GNPTAB: variants seen among roughly 807,000 people sequenced by gnomAD.
GNPTAB encodes the protein N-acetylglucosamine-1-phosphotransferase subunits alpha/beta.
GNPTAB carries 92 observed loss-of-function variants against 136.6 expected under a neutral mutation model. The ratio of observed to expected loss-of-function variants is 0.67; its 90% confidence interval spans 0.57 to 0.80. GNPTAB has a LOEUF of 0.80. Among genes scored for constraint, GNPTAB ranks in the 30% least tolerant of loss-of-function variants. The pLI is 0.00. For synonymous variants in GNPTAB, 512 were observed against 535.1 expected (o/e 0.96, Z 0.60); for missense variants, 1,343 against 1,501.8 (o/e 0.89, Z 1.75).
At chr12:101,785,112 G>C (rs1423414396) in intron 5 of GNPTAB, among the ~76,000 whole-genome samples, 1 of 152,234 alleles carries the variant, frequency 6.6e-6, no homozygotes, top group Non-Finnish European at 1.5e-5. Flanking sequence ...TCTGAGATCA[G>C]AGTGCCAGCA....
At chr12:101,817,264 AC>A (rs1245003334) in intron 1 of GNPTAB, among the ~76,000 whole-genome samples, 23 of 119,310 alleles carry the variant, frequency 1.9e-4, no homozygotes, top group African/African-American at 7.3e-4. Flanking sequence ...TTATCATTCC[AC>A]TTTTTTTTTT....
At chr12:101,823,336 G>A (rs906920316) in intron 1 of GNPTAB, among the ~76,000 whole-genome samples, 3 of 152,162 alleles carry the variant, frequency 2.0e-5, no homozygotes, top group Admixed American at 6.5e-5. Context: ...AAGGCCAGGC[G>A]CAGTGGCTTA....
chr12:101,758,443 G>C (rs1952936364), intron 16 of GNPTAB, among the ~76,000 whole-genome samples: 1 of 152,196 alleles, frequency 6.6e-6, no homozygotes, highest in Non-Finnish European at 1.5e-5. Flanking sequence ...CCAAAGTGTT[G>C]AGACTATAGG....
At chr12:101,781,374 G>A (rs772408677) in intron 5 of GNPTAB, among the ~76,000 whole-genome samples, 5 of 152,036 alleles carry the variant, frequency 3.3e-5, no homozygotes. Context: ...AGTCTCAAGT[G>A]TACTATAGTT....
At chr12:101,799,296 G>C (rs947754217) in intron 1 of GNPTAB, among the ~76,000 whole-genome samples, 2 of 152,188 alleles carry the variant, frequency 1.3e-5, no homozygotes, top group African/African-American at 4.8e-5. Context: ...AGACTGGTTT[G>C]ATCATTTTAA....
At chr12:101,826,132 AC>A (rs2137192329) in intron 1 of GNPTAB, among the ~76,000 whole-genome samples, 1 of 152,350 alleles carries the variant, frequency 6.6e-6, no homozygotes, top group East Asian at 1.9e-4. Flanking sequence ...CTTGAGCTAG[AC>A]CCAGTTTTCA....
chr12:101,769,628 C>T (rs943702628), intron 10 of GNPTAB, among the ~76,000 whole-genome samples: 12 of 152,038 alleles, frequency 7.9e-5, no homozygotes, highest in African/African-American at 2.7e-4. Context: ...CCGGTTCTCA[C>T]TCTGTCACCC....
chr12:101,789,747 G>T (rs921810274), intron 3 of GNPTAB, among the ~76,000 whole-genome samples, 191 bp downstream of exon 3: 1 of 152,144 alleles, frequency 6.6e-6, no homozygotes, highest in Non-Finnish European at 1.5e-5. Context: ...ACCTCCCAAA[G>T]TTCTGGGATT....
rs778029826 is a variant in GNPTAB, at chr12:101,764,823, T to C, written c.2094A>G (p.Val698=). ...CGTCTTTTGGAAGGAGTGAAATATT[T>C]ACCAGGGGAATTTTCACCTCTTCCT... is the stretch of plus-strand genomic sequence containing the variant. The part of the protein sequence containing the change: ...RAQEEVKIPL[V]NISLLPKDAQ... The change falls in exon 13 of 21, where the codon GTA becomes GTG. Residue 698 remains valine (V), a synonymous_variant. Transcript: ENST00000299314. The C allele has an allele frequency of 8.7e-6, 14 of 1,614,060 alleles. No individual in the cohort carries two copies. The highest frequency in any genetic ancestry group is 1.6e-4 in the Middle Eastern group (1 of 6,084).
At chr12:101,747,458 C>T (rs937888432) in intron 20 of GNPTAB, among the ~76,000 whole-genome samples, 12 of 152,166 alleles carry the variant, frequency 7.9e-5, no homozygotes, top group Non-Finnish European at 1.6e-4. Context: ...TATGTGCCCA[C>T]AAAGAGACCC....
chr12:101,806,713 C>A (rs1286920257), intron 1 of GNPTAB, among the ~76,000 whole-genome samples: 1 of 151,996 alleles, frequency 6.6e-6, no homozygotes, highest in Non-Finnish European at 1.5e-5. Context: ...AACACATGAT[C>A]CAAAAACTCA....
chr12:101,786,876 CAAT>C (rs1868677497), intron 4 of GNPTAB, among the ~76,000 whole-genome samples: 1 of 152,026 alleles, frequency 6.6e-6, no homozygotes, highest in Admixed American at 6.5e-5. Flanking sequence ...TAAAAGAAAA[CAAT>C]GAGCTATCAC....
intron 1 of GNPTAB, among the ~76,000 whole-genome samples, chr12:101,809,094 GA>G (rs2137172538): frequency 6.6e-6 from 1 of 152,184 alleles, no homozygotes; most frequent in Admixed American, 6.5e-5. Flanking sequence ...CAACAATAAG[GA>G]AACAAACAAC....
intron 1 of GNPTAB, among the ~76,000 whole-genome samples, chr12:101,821,613 G>A (rs989581158): frequency 2.6e-5 from 4 of 152,144 alleles, no homozygotes; most frequent in African/African-American, 7.2e-5. Flanking sequence ...GATCAGAGGA[G>A]GTTTTCAGAG....
At chr12:101,771,941 C>T (rs1953182451) in intron 7 of GNPTAB, among the ~76,000 whole-genome samples, 1 of 152,258 alleles carries the variant, frequency 6.6e-6, no homozygotes, top group South Asian at 2.1e-4. Flanking sequence ...GTGACAAGTA[C>T]ATCTGCTAGT....
chr12:101,757,977 G>A (rs543100658), intron 16 of GNPTAB, among the ~76,000 whole-genome samples: 3 of 151,832 alleles, frequency 2.0e-5, no homozygotes, highest in South Asian at 2.1e-4. Flanking sequence ...GCCTGACTGC[G>A]TACCAGCTCT....
intron 7 of GNPTAB, among the ~76,000 whole-genome samples, chr12:101,777,469 T>A (rs1953276976): frequency 6.6e-6 from 1 of 152,136 alleles, no homozygotes; most frequent in Non-Finnish European, 1.5e-5. Flanking sequence ...AAAACACCAT[T>A]TATGTTCAGG....
chr12:101,798,876 T>C (rs920590735), intron 1 of GNPTAB, among the ~76,000 whole-genome samples: 12 of 152,214 alleles, frequency 7.9e-5, no homozygotes, highest in African/African-American at 2.9e-4. Flanking sequence ...AAGAACATCA[T>C]GGGACTCTTA....
chr12:101,777,200 T>C lies in GNPTAB; in HGVS notation c.771+2952A>G, dbSNP rs549313376. ...GATGCTTCTGGAACCATTTCCATCG[T>C]TGGCATCCCACTGCCAAGCAACTTT... On this transcript the variant is annotated intron_variant, in intron 7 of 20. Coordinates refer to ENST00000299314, the MANE Select transcript of GNPTAB (RefSeq NM_024312.5). Among the ~76,000 whole-genome samples the C allele has an allele frequency of 1.9e-4, 29 of 152,368 alleles. No homozygotes were observed. The East Asian group carries it at 5.0e-3, about 26-fold the overall frequency.
Sources: allele counts gnomAD v4.1 joint callset (sites outside exome capture counted in the v4.1 genomes callset), GRCh38; gene constraint gnomAD v4.1.1; transcripts MANE v1.5; gene names NCBI Gene and HGNC (gene_info 2026-07-23, HGNC 2026-07-21).